TAFA1: variants seen among roughly 807,000 people sequenced by gnomAD.
The protein encoded by TAFA1 is TAFA chemokine like family member 1, also known as chemokine-like protein TAFA-1.
TAFA1 carries 4 observed loss-of-function variants against 18.5 expected under a neutral mutation model. The ratio of observed to expected loss-of-function variants is 0.22; its 90% CI spans 0.11 to 0.49. The LOEUF (loss-of-function observed/expected upper bound fraction) is 0.49, where lower values mean the gene tolerates loss of function less well. TAFA1 is among the 20% of genes least tolerant of loss of function. The pLI is 0.98. For missense variants in TAFA1, 147 were observed against 169.0 expected (o/e 0.87, Z 0.72); for synonymous variants, 56 against 55.2 (o/e 1.01, Z -0.06).
chr3:68,422,888 T>C (rs1418801967), intron 3 of TAFA1, among the ~76,000 whole-genome samples: 1 of 152,042 alleles, frequency 6.6e-6, no homozygotes, highest in Non-Finnish European at 1.5e-5. Flanking sequence ...TGCTACTCAA[T>C]ATCTTTAGTT....
chr3:68,427,304 A>T (rs2071075214), intron 3 of TAFA1, among the ~76,000 whole-genome samples: 1 of 151,850 alleles, frequency 6.6e-6, no homozygotes, highest in Admixed American at 6.6e-5. Context: ...AAATCTAAGG[A>T]GTCAGCTCCT....
At chr3:67,996,167 G>A in the TAFA1 span, among the ~76,000 whole-genome samples, 1 of 152,204 alleles carries the variant, frequency 6.6e-6, no homozygotes, top group Non-Finnish European at 1.5e-5. Flanking sequence ...TTTGTTGAGT[G>A]AGTCCTTGGT....
chr3:68,397,124 A>G (rs1202122042), intron 2 of TAFA1, among the ~76,000 whole-genome samples: 1 of 152,062 alleles, frequency 6.6e-6, no homozygotes, highest in South Asian at 2.1e-4. Flanking sequence ...TCTCGTGAGG[A>G]TCTTCCGTTT....
intron 3 of TAFA1, 167 bp downstream of exon 3, chr3:68,417,587 G>T: frequency 3.1e-6 from 2 of 650,032 alleles, no homozygotes; most frequent in Non-Finnish European, 5.1e-6. Context: ...TTTTTTCTCT[G>T]GTGCTATTAT....
chr3:68,340,038 G>A (rs1325053502), intron 2 of TAFA1, among the ~76,000 whole-genome samples: 1 of 152,032 alleles, frequency 6.6e-6, no homozygotes, highest in Non-Finnish European at 1.5e-5. Flanking sequence ...TACTGCCTCA[G>A]TTTGTTCTCA....
chr3:68,367,865 A>G (rs2069603044), intron 2 of TAFA1, among the ~76,000 whole-genome samples: 1 of 152,286 alleles, frequency 6.6e-6, no homozygotes, highest in African/African-American at 2.4e-5. Context: ...CAAAAAAATA[A>G]AGGACAACTG....
At chr3:68,392,638 A>G (rs6808035) in intron 2 of TAFA1, among the ~76,000 whole-genome samples, 4,575 of 152,110 alleles carry the variant, frequency 0.03, 94 homozygotes, top group East Asian at 0.092. Flanking sequence ...AAATGCAAAA[A>G]AACGGAAATC....
intron 3 of TAFA1, among the ~76,000 whole-genome samples, chr3:68,452,084 C>T (rs1290955611): frequency 6.6e-6 from 1 of 151,956 alleles, no homozygotes; most frequent in Non-Finnish European, 1.5e-5. Flanking sequence ...ACAAAAGGAC[C>T]CAGGGTCTGA....
chr3:68,046,340 A>G (rs1705267420), intron 2 of TAFA1, among the ~76,000 whole-genome samples: 1 of 152,248 alleles, frequency 6.6e-6, no homozygotes, highest in Non-Finnish European at 1.5e-5. Flanking sequence ...AAGCAAAGAC[A>G]TAGTTAACCG....
chr3:68,372,908 C>A (rs1364183047), intron 2 of TAFA1, among the ~76,000 whole-genome samples: 2 of 152,156 alleles, frequency 1.3e-5, no homozygotes, highest in Non-Finnish European at 2.9e-5. Flanking sequence ...AAGGTGTTCA[C>A]AAATATTGCA....
At chr3:68,322,528 C>T (rs899556175) in intron 2 of TAFA1, among the ~76,000 whole-genome samples, 11 of 152,112 alleles carry the variant, frequency 7.2e-5, no homozygotes, top group Admixed American at 6.6e-4. Flanking sequence ...AGTTTAGACA[C>T]GTGTTAAAAG....
At position 68,034,814 on chromosome 3, in the gene TAFA1, C is replaced by T. The variant is rs115695586; in HGVS notation, c.118+28070C>T. On this transcript the variant is annotated intron_variant, in intron 2 of 4. Coordinates refer to ENST00000478136, the MANE Select transcript of TAFA1 (RefSeq NM_213609.4). ...TCTGAGATGAATTTTGGGCTGGACA[C>T]GTGCTGGCAAATGTGATACTATTTT... Among the ~76,000 whole-genome samples, 1,166 of 152,208 alleles carry T rather than the reference C, an allele frequency of 7.7e-3. 16 individuals carry two copies. Among genetic ancestry groups the T allele is most frequent in the African/African-American group, 0.026 (1,085 of 41,520 alleles).
At chr3:68,080,796 G>A (rs2064888064) in intron 2 of TAFA1, among the ~76,000 whole-genome samples, 1 of 152,106 alleles carries the variant, frequency 6.6e-6, no homozygotes, top group African/African-American at 2.4e-5. Context: ...GTGTCTTGGA[G>A]TTGGTCTTCT....
In TAFA1 at chr3:68,300,697, C is replaced by T. The variant is rs528787844; in HGVS notation, c.119-116583C>T. On this transcript the variant is annotated intron_variant, in intron 2 of 4. Coordinates refer to ENST00000478136, the MANE Select transcript of TAFA1 (RefSeq NM_213609.4). ...TGAATTGTAATCCCCATAATCATCA[C>T]GTGTCAAGGGAGAGACCAGGTGGAG... is the stretch of plus-strand genomic sequence containing the variant. Among the ~76,000 whole-genome samples the T allele has an allele frequency of 3.6e-4, 55 of 152,132 alleles. 1 individual carries two copies. The highest frequency in any genetic ancestry group is 4.6e-4 in the Non-Finnish European group (31 of 68,026).
rs116372987 is a variant in TAFA1 at position 68,331,760 on chromosome 3, C to T, written c.119-85520C>T. Among the ~76,000 whole-genome samples the T allele has an allele frequency of 5.6e-3, 826 of 148,068 alleles. 8 individuals carry two copies. Among genetic ancestry groups the T allele is most frequent in the Middle Eastern group, 0.014 (4 of 278 alleles). ...AGATACACAGACCAATGGAACAGAA[C>T]AGAAAGGACAGAAGTAAACCCATTC... On this transcript the variant is annotated intron_variant, in intron 2 of 4. Coordinates refer to ENST00000478136, the MANE Select transcript of TAFA1 (RefSeq NM_213609.4).
At chr3:68,149,942 T>G (rs1442733909) in intron 2 of TAFA1, among the ~76,000 whole-genome samples, 1 of 152,184 alleles carries the variant, frequency 6.6e-6, no homozygotes, top group East Asian at 1.9e-4. Context: ...ACTTTCTTCC[T>G]TTATCTTAAG....
intron 2 of TAFA1, among the ~76,000 whole-genome samples, chr3:68,111,020 A>G (rs1348287148): frequency 3.3e-5 from 5 of 152,180 alleles, no homozygotes. Flanking sequence ...TCAATCTCTA[A>G]CTCTAGAATT....
In TAFA1 at chr3:68,027,767, T is replaced by C. The variant is rs535504328; in HGVS notation, c.118+21023T>C. 5.3e-5 allele frequency among the ~76,000 whole-genome samples: 8 copies of C among 152,356 alleles called. No individual in the cohort carries two copies. In the Middle Eastern group the frequency reaches 0.01, roughly 194 times the overall value. ...TTGGAAACTTTGAAAATGTCATTTC[T>C]GTCATCTAATATATTAACTAGTGTT... On this transcript the variant is annotated intron_variant, in intron 2 of 4. Coordinates refer to ENST00000478136, the MANE Select transcript of TAFA1 (RefSeq NM_213609.4).
chr3:68,413,739 T>A (rs748198033), intron 2 of TAFA1, among the ~76,000 whole-genome samples: 1 of 151,290 alleles, frequency 6.6e-6, no homozygotes, highest in Admixed American at 6.6e-5. Flanking sequence ...AAGTTACAGG[T>A]GTTGGGGGCA....
Sources: allele counts gnomAD v4.1 joint callset (sites outside exome capture counted in the v4.1 genomes callset), GRCh38; gene constraint gnomAD v4.1.1; transcripts MANE v1.5; gene names NCBI Gene and HGNC (gene_info 2026-07-23, HGNC 2026-07-21).